SLC22A23: variants seen among roughly 807,000 people sequenced by gnomAD.
SLC22A23 encodes solute carrier family 22 member 23.
Under a neutral mutation model 61.0 loss-of-function variants are expected in SLC22A23, and 26 were observed. That is an observed-to-expected ratio of 0.43 (90% CI 0.31 to 0.59). The LOEUF is 0.59. Ranked by LOEUF, SLC22A23 falls within the 20% of genes least tolerant of loss-of-function variation. SLC22A23 has a pLI of 0.11. For missense variants in SLC22A23, 796 were observed against 934.7 expected, an observed-to-expected ratio of 0.85 and a Z score of 1.94; for synonymous variants, 430 against 413.9, an observed-to-expected ratio of 1.04 and a Z score of -0.47.
chr6:3,309,960 A>G lies in SLC22A23; in HGVS notation c.1083-11742T>C, dbSNP rs951330560. On this transcript the variant is annotated intron_variant, in intron 4 of 9. Coordinates refer to ENST00000406686, the MANE Select transcript of SLC22A23 (RefSeq NM_015482.2). The surrounding 1 kb of genome is among the most constrained non-coding windows in gnomAD (Gnocchi z 4.7). ...GCCCCTAAACCTGTGGAGTTTTCCTACATCACACCATGATTGCAGTATTGC... is the reference window on the plus strand; with the variant it reads ...GCCCCTAAACCTGTGGAGTTTTCCTGCATCACACCATGATTGCAGTATTGC... Among the ~76,000 whole-genome samples, 16 of 152,174 alleles carry G rather than the reference A, an allele frequency of 1.1e-4. No individual in the cohort carries two copies. The highest frequency in any genetic ancestry group is 2.2e-4 in the Non-Finnish European group (15 of 68,028).
intron 3 of SLC22A23, among the ~76,000 whole-genome samples, chr6:3,359,573 C>T (rs1765310354): frequency 6.6e-6 from 1 of 152,182 alleles, no homozygotes; most frequent in Middle Eastern, 3.2e-3. Flanking sequence ...GAAACTGGAA[C>T]CCTGGTGCAC....
In SLC22A23 at chr6:3,328,106, G is replaced by A. The variant is rs111640288; in HGVS notation, c.914-4104C>T. 3.6e-3 allele frequency among the ~76,000 whole-genome samples: 549 copies of A among 151,508 alleles called. 3 individuals carry two copies. The highest frequency in any genetic ancestry group is 0.012 in the African/African-American group (503 of 41,204). ...AAAACAACCAACCAAACAAACAACCGTTACTTTTCCCCTAACACCTTAATG... is the reference window on the plus strand; with the variant it reads ...AAAACAACCAACCAAACAAACAACCATTACTTTTCCCCTAACACCTTAATG... On this transcript the variant is annotated intron_variant, in intron 3 of 9. Coordinates refer to ENST00000406686, the MANE Select transcript of SLC22A23 (RefSeq NM_015482.2). The surrounding 1 kb of genome is among the most constrained non-coding windows in gnomAD (Gnocchi z 5.0).
intron 3 of SLC22A23, among the ~76,000 whole-genome samples, chr6:3,346,034 C>T (rs1249777496): frequency 6.6e-6 from 1 of 152,176 alleles, no homozygotes; most frequent in African/African-American, 2.4e-5. Context: ...CATACTGCCA[C>T]TAAACAGCTT....
rs1024487983 is a variant in SLC22A23 at position 3,317,355 on chromosome 6, G to A, written c.1082+6479C>T. Among the ~76,000 whole-genome samples the A allele has an allele frequency of 2.0e-5, 3 of 152,120 alleles. No individual in the cohort carries two copies. Among genetic ancestry groups the A allele is most frequent in the African/African-American group, 2.4e-5 (1 of 41,426 alleles). On this transcript the variant is annotated intron_variant, in intron 4 of 9. Coordinates refer to ENST00000406686, the MANE Select transcript of SLC22A23 (RefSeq NM_015482.2). The surrounding 1 kb of genome is among the most constrained non-coding windows in gnomAD (Gnocchi z 4.4). ...GGCCACCTGGAAGGGGCACCTTTCC[G>A]CAGTGTGCACAATTTCAGAGCAGCA...
rs138952459 is a variant in SLC22A23 at position 3,342,660 on chromosome 6, G to A, written c.914-18658C>T. Reference sequence around the variant, plus strand: ...CCTTGAGGAGCTTTTGCCGTCAAATGTCAGCAAAATTGCTGGGATTTCTCA... The same window carrying A: ...CCTTGAGGAGCTTTTGCCGTCAAATATCAGCAAAATTGCTGGGATTTCTCA... On this transcript the variant is annotated intron_variant, in intron 3 of 9. Transcript: ENST00000406686. This position sits in a 1 kb window ranked among gnomAD's most constrained non-coding sequence, Gnocchi z 4.0. Among the ~76,000 whole-genome samples the A allele has an allele frequency of 1.3e-5, 2 of 152,290 alleles. No individual in the cohort carries two copies. Among genetic ancestry groups the A allele is most frequent in the East Asian group, 3.9e-4 (2 of 5,180 alleles).
At chr6:3,379,958 CGTGT>C (rs71661359) in intron 3 of SLC22A23, among the ~76,000 whole-genome samples, 25 of 150,158 alleles carry the variant, frequency 1.7e-4, no homozygotes, top group Middle Eastern at 3.4e-3. Context: ...AGTGTGGATG[CGTGT>C]GTGTGTGTGT....
intron 9 of SLC22A23, among the ~76,000 whole-genome samples, chr6:3,280,362 C>G (rs1261022745): frequency 6.6e-6 from 1 of 152,224 alleles, no homozygotes; most frequent in Non-Finnish European, 1.5e-5. Context: ...ATATCATCAG[C>G]ACCCTCCCCT....
In SLC22A23 at chr6:3,324,026, A is replaced by C; in HGVS notation, c.914-24T>G. The C allele has an allele frequency of 6.2e-7, 1 of 1,610,132 alleles. No individual in the cohort carries two copies. The highest frequency in any genetic ancestry group is 1.1e-5 in the South Asian group (1 of 90,854). On this transcript the variant is annotated intron_variant, in intron 3 of 9. Coordinates refer to ENST00000406686, the MANE Select transcript of SLC22A23 (RefSeq NM_015482.2). This position sits in a 1 kb window ranked among gnomAD's most constrained non-coding sequence, Gnocchi z 4.3. ...TCCTAGAACACAGAACCAATGAGAGAGAGATGAGTGCCCTGCTCGACAGCC... is the reference window on the plus strand; with the variant it reads ...TCCTAGAACACAGAACCAATGAGAGCGAGATGAGTGCCCTGCTCGACAGCC...
At chr6:3,281,802 A>G (rs539478742) in intron 9 of SLC22A23, among the ~76,000 whole-genome samples, 1 of 152,038 alleles carries the variant, frequency 6.6e-6, no homozygotes, top group Non-Finnish European at 1.5e-5. Context: ...AACGCTAGAC[A>G]TTCTCCCAGC....
chr6:3,286,763 G>C lies in SLC22A23; in HGVS notation c.1546+96C>G, dbSNP rs1399427289. 1.1e-5 allele frequency: 12 copies of C among 1,052,502 alleles called. No homozygotes were observed. The highest frequency in any genetic ancestry group is 1.7e-5 in the Non-Finnish European group (12 of 715,524). 65.2% of individuals were successfully genotyped at this position (1,052,502 alleles called of 1,614,324 possible). A position where few individuals can be genotyped will look rare whatever the true frequency, so the allele number is the denominator to read the frequency against. On this transcript the variant is annotated intron_variant, in intron 7 of 9. Transcript: ENST00000406686. The surrounding 1 kb of genome is among the most constrained non-coding windows in gnomAD (Gnocchi z 4.2). ...CAGCTCCTTCCAGCAGTAGATTTTA[G>C]AGTGGCCAGCGGAGTCTTATGCAGC... is the stretch of plus-strand genomic sequence containing the variant.
intron 3 of SLC22A23, among the ~76,000 whole-genome samples, chr6:3,347,871 C>T (rs1010008670): frequency 6.6e-6 from 1 of 152,190 alleles, no homozygotes; most frequent in African/African-American, 2.4e-5. Context: ...TGGCCAAGAG[C>T]CCTTCCTTCT....
chr6:3,298,397 A>G (rs1345449554), intron 4 of SLC22A23, among the ~76,000 whole-genome samples, 179 bp from the exon 5 acceptor site: 2 of 152,168 alleles, frequency 1.3e-5, no homozygotes, highest in African/African-American at 2.4e-5. Context: ...TTTCTTTTCC[A>G]AAGAGTAAAA....
intron 3 of SLC22A23, among the ~76,000 whole-genome samples, chr6:3,364,745 CAGG>C (rs987692245): frequency 6.6e-6 from 1 of 152,208 alleles, no homozygotes; most frequent in African/African-American, 2.4e-5. Context: ...TGGAGAGTGG[CAGG>C]AGATGAGCTA....
rs146256206 is a variant in SLC22A23, at chr6:3,323,750, G to A, written c.1082+84C>T. 153 of 1,440,380 alleles carry A rather than the reference G, an allele frequency of 1.1e-4. No individual in the cohort carries two copies. In the African/African-American group the frequency reaches 2.1e-3, roughly 20 times the overall value. The allele number at this position is 1,440,380 out of a possible 1,614,324, so 89.2% of individuals were successfully genotyped here. A position where few individuals can be genotyped will look rare whatever the true frequency, so the allele number is the denominator to read the frequency against. On this transcript the variant is annotated intron_variant, in intron 4 of 9. Coordinates refer to ENST00000406686, the MANE Select transcript of SLC22A23 (RefSeq NM_015482.2). ...AAGCTGCAACTAGTGGGAAGTGTGG[G>A]GATTGTGTGTCCTGCCCGGGGCCGG...
intron 5 of SLC22A23, chr6:3,291,840 C>T (rs1760624088): frequency 1.3e-5 from 2 of 152,130 alleles, no homozygotes; most frequent in Non-Finnish European, 2.9e-5. Flanking sequence ...TTAGCAAGTC[C>T]ATATAAGTTT....
At chr6:3,284,867 C>G (rs763085196) in intron 8 of SLC22A23, 3 of 1,526,404 alleles carry the variant, frequency 2.0e-6, no homozygotes, top group Non-Finnish European at 2.6e-6. Flanking sequence ...AGCACACAAA[C>G]AGGGAAGCAC....
At chr6:3,442,458 A>G (rs933899467) in intron 1 of SLC22A23, among the ~76,000 whole-genome samples, 1 of 152,248 alleles carries the variant, frequency 6.6e-6, no homozygotes, top group African/African-American at 2.4e-5. Context: ...GACAAGTTTT[A>G]AAAAGAGTAG....
intron 3 of SLC22A23, among the ~76,000 whole-genome samples, chr6:3,396,432 C>T (rs998283535): frequency 1.9e-4 from 29 of 152,258 alleles, no homozygotes; most frequent in African/African-American, 7.0e-4. Flanking sequence ...ATCTGTAGTC[C>T]CAGCTACTCG....
intron 3 of SLC22A23, among the ~76,000 whole-genome samples, chr6:3,394,744 A>G (rs2127491462): frequency 6.6e-6 from 1 of 152,314 alleles, no homozygotes; most frequent in South Asian, 2.1e-4. Context: ...CGTCGCTCTG[A>G]GGCCTGCCCC....
Sources: allele counts gnomAD v4.1 joint callset (sites outside exome capture counted in the v4.1 genomes callset), GRCh38; gene constraint gnomAD v4.1.1; non-coding constraint Gnocchi (gnomAD v3.1); transcripts MANE v1.5; gene names NCBI Gene and HGNC (gene_info 2026-07-23, HGNC 2026-07-21).